The following ARL15 variants were observed in gnomAD, a reference collection of about 807,000 sequenced individuals.
ARL15 encodes the protein ADP-ribosylation factor-like protein 15.
Under a neutral mutation model 25.2 loss-of-function variants are expected in ARL15, and 19 were observed. That is an observed-to-expected ratio of 0.75 (90% CI 0.53 to 1.10). The LOEUF is 1.10. ARL15 is among the 50% of genes least tolerant of loss of function. The pLI is 0.00. For missense variants in ARL15, 220 were observed against 246.0 expected (o/e 0.89, Z 0.71); for synonymous variants, 94 against 86.8 (o/e 1.08, Z -0.46).
intron 4 of ARL15, among the ~76,000 whole-genome samples, chr5:53,946,238 G>A (rs1337975743): frequency 6.6e-6 from 1 of 152,130 alleles, no homozygotes. Context: ...TGGATCACCT[G>A]AAGTCAAGAG....
chr5:54,246,005 T>C (rs779229698), intron 1 of ARL15, among the ~76,000 whole-genome samples: 2 of 152,184 alleles, frequency 1.3e-5, no homozygotes, highest in Admixed American at 6.5e-5. Context: ...CTGCACCCTT[T>C]TGTCAGTTCT....
At chr5:54,238,588 G>A (rs1412196509) in intron 1 of ARL15, among the ~76,000 whole-genome samples, 1 of 152,124 alleles carries the variant, frequency 6.6e-6, no homozygotes, top group East Asian at 1.9e-4. Flanking sequence ...GCCATCTTAA[G>A]TTTATATTCT....
chr5:53,997,442 G>C (rs944871581), intron 4 of ARL15, among the ~76,000 whole-genome samples: 3 of 145,268 alleles, frequency 2.1e-5, no homozygotes, highest in African/African-American at 7.6e-5. Flanking sequence ...TTTATTTCCT[G>C]ATGAATAGCA....
chr5:53,885,304 A>T lies in ARL15; in HGVS notation c.*1257T>A, dbSNP rs1215446699. On this transcript the variant is annotated 3_prime_UTR_variant, in exon 5 of 5. Transcript: ENST00000504924. Reference sequence around the variant, plus strand: ...ATTTCATCTGTGAACCTCAATATGCATAGATTTTTTTCCTGATTTAGAAAA... The same window carrying T: ...ATTTCATCTGTGAACCTCAATATGCTTAGATTTTTTTCCTGATTTAGAAAA... 2.6e-5 allele frequency: 4 copies of T among 152,616 alleles called. No individual in the cohort carries two copies. The highest frequency in any genetic ancestry group is 6.5e-5 in the Admixed American group (1 of 15,278). 9.5% of individuals were successfully genotyped at this position (152,616 alleles called of 1,614,324 possible). A position where few individuals can be genotyped will look rare whatever the true frequency, so the allele number is the denominator to read the frequency against.
chr5:54,160,107 T>C, intron 2 of ARL15, among the ~76,000 whole-genome samples: 1 of 152,236 alleles, frequency 6.6e-6, no homozygotes, highest in Non-Finnish European at 1.5e-5. Flanking sequence ...GGCTTTGACC[T>C]GCACCAAGGG....
chr5:54,083,054 T>C (rs781227196), intron 4 of ARL15, among the ~76,000 whole-genome samples: 1 of 152,052 alleles, frequency 6.6e-6, no homozygotes, highest in Non-Finnish European at 1.5e-5. Context: ...TGTAAGCAAA[T>C]GTGGTATGTT....
At chr5:54,225,835 C>G (rs943121925) in intron 1 of ARL15, among the ~76,000 whole-genome samples, 1 of 152,056 alleles carries the variant, frequency 6.6e-6, no homozygotes, top group Non-Finnish European at 1.5e-5. Context: ...TAAAGGAGAG[C>G]TGAAGAAATT....
chr5:54,006,051 CAAAAAAAAAAAA>C (rs56094450), intron 4 of ARL15, among the ~76,000 whole-genome samples: 5 of 57,570 alleles, frequency 8.7e-5, no homozygotes, highest in Non-Finnish European at 1.6e-4. Flanking sequence ...ATTACATCTC[CAAAAAAAAAAAA>C]AAAAAAAAAA....
At chr5:54,122,436 C>T (rs897708256) in intron 3 of ARL15, among the ~76,000 whole-genome samples, 16 of 152,342 alleles carry the variant, frequency 1.1e-4, no homozygotes, top group African/African-American at 3.1e-4. Flanking sequence ...TGCATGCGTG[C>T]GCAATGTGCG....
At chr5:54,283,365 T>A (rs991988202) in intron 1 of ARL15, among the ~76,000 whole-genome samples, 3 of 152,186 alleles carry the variant, frequency 2.0e-5, no homozygotes. Context: ...AAAATAAAAA[T>A]TACAGCAATG....
At chr5:54,310,324 G>T in intron 1 of ARL15, 108 bp downstream of exon 1, 1 of 1,262,580 alleles carries the variant, frequency 7.9e-7, no homozygotes, top group Non-Finnish European at 1.1e-6. Flanking sequence ...GAACCCCAGA[G>T]GCATCCTATC....
intron 4 of ARL15, among the ~76,000 whole-genome samples, chr5:54,050,993 C>T (rs140815008): frequency 2.6e-4 from 39 of 152,148 alleles, no homozygotes; most frequent in Middle Eastern, 3.4e-3. Context: ...TTGATGATAC[C>T]GTAAAGGTAG....
At chr5:53,968,679 T>A (rs1024042933) in intron 4 of ARL15, among the ~76,000 whole-genome samples, 1 of 151,966 alleles carries the variant, frequency 6.6e-6, no homozygotes, top group Admixed American at 6.5e-5. Context: ...CATTCATTCA[T>A]TTTGTATTTT....
chr5:53,996,837 C>A (rs185901380), intron 4 of ARL15, among the ~76,000 whole-genome samples: 1 of 152,222 alleles, frequency 6.6e-6, no homozygotes, highest in East Asian at 1.9e-4. Flanking sequence ...TAGGCTAACA[C>A]CTTACACCTG....
intron 4 of ARL15, among the ~76,000 whole-genome samples, chr5:54,097,751 T>A (rs1191308357): frequency 6.6e-6 from 1 of 152,236 alleles, no homozygotes; most frequent in African/African-American, 2.4e-5. Flanking sequence ...TATACTCATT[T>A]AAGCTTAAGG....
intron 1 of ARL15, among the ~76,000 whole-genome samples, chr5:54,276,539 C>T (rs1053857655): frequency 6.6e-5 from 10 of 152,192 alleles, no homozygotes; most frequent in Non-Finnish European, 8.8e-5. Flanking sequence ...GGCCTAAGAT[C>T]GTACTAAGGT....
intron 1 of ARL15, among the ~76,000 whole-genome samples, chr5:54,259,221 A>G (rs919482872): frequency 2.0e-5 from 3 of 152,084 alleles, no homozygotes; most frequent in African/African-American, 7.2e-5. Flanking sequence ...GGACTCACTC[A>G]CCCCACATAC....
intron 4 of ARL15, among the ~76,000 whole-genome samples, chr5:54,086,326 A>G (rs10060587): frequency 0.15 from 22,614 of 151,946 alleles, 2,031 homozygotes; most frequent in African/African-American, 0.25. Context: ...AATCCCCTTT[A>G]ATTGCTTATT....
At chr5:54,052,343 ATAATC>A (rs1183275974) in intron 4 of ARL15, among the ~76,000 whole-genome samples, 1 of 152,204 alleles carries the variant, frequency 6.6e-6, no homozygotes, top group Non-Finnish European at 1.5e-5. Context: ...TATATTATAA[ATAATC>A]TAAACATATT....
Sources: gnomAD v4.1 joint callset for allele counts (sites outside exome capture counted in the v4.1 genomes callset) on GRCh38, gnomAD v4.1.1 for gene constraint, MANE v1.5 for transcripts, NCBI Gene and HGNC (gene_info 2026-07-23, HGNC 2026-07-21) for gene names.